COL28A1: variants seen among roughly 807,000 people sequenced by gnomAD.
The protein encoded by COL28A1 is collagen type XXVIII alpha 1 chain, also known as collagen alpha-1(XXVIII) chain.
Under a neutral mutation model 150.2 loss-of-function variants are expected in COL28A1, and 161 were observed. The ratio of observed to expected loss-of-function variants is 1.07; its 90% CI spans 0.94 to 1.22. The LOEUF is 1.22. Among genes scored for constraint, COL28A1 ranks in the 50% most tolerant of loss-of-function variants. COL28A1 has a pLI of 0.00. For synonymous variants in COL28A1, 552 were observed against 469.7 expected, an observed-to-expected ratio of 1.18 and a Z score of -2.26; for missense variants, 1,617 against 1,388.3, an observed-to-expected ratio of 1.16 and a Z score of -2.62.
At chr7:7,397,414 T>C (rs192764710) in intron 27 of COL28A1, among the ~76,000 whole-genome samples, 30 of 152,152 alleles carry the variant, frequency 2.0e-4, no homozygotes, top group African/African-American at 7.0e-4. Flanking sequence ...CCATTTAAGG[T>C]AATATGTACT....
intron 33 of COL28A1, among the ~76,000 whole-genome samples, chr7:7,366,389 T>C (rs1371515174): frequency 6.6e-6 from 1 of 152,180 alleles, no homozygotes; most frequent in Non-Finnish European, 1.5e-5. Flanking sequence ...GCTTCAGCAA[T>C]GAGACCACAA....
intron 33 of COL28A1, among the ~76,000 whole-genome samples, chr7:7,369,785 C>A (rs1468234959): frequency 6.6e-6 from 1 of 152,096 alleles, no homozygotes; most frequent in African/African-American, 2.4e-5. Flanking sequence ...AGACTGTTAG[C>A]TGAATCCTGA....
rs778274748 is a variant in COL28A1 at position 7,437,454 on chromosome 7, C to T, written c.1731G>A (p.Pro577=). ...LPGPEGPKGE[P]GIMGPFGMPG... ...GCATTCCAAAAGGGCCCATAATGCC[C>T]GGTTCACCCTTAAAAAGAGCAAAAT... The change falls in exon 22 of 35, where the codon CCG becomes CCA. Residue 577 remains proline, a synonymous_variant. Coordinates refer to ENST00000399429, the MANE Select transcript of COL28A1 (RefSeq NM_001037763.3). 16 of 1,613,232 alleles carry T rather than the reference C, an allele frequency of 9.9e-6. No individual in the cohort carries two copies. The highest frequency in any genetic ancestry group is 4.5e-5 in the East Asian group (2 of 44,866).
intron 25 of COL28A1, among the ~76,000 whole-genome samples, chr7:7,430,196 A>G (rs57267771): frequency 6.6e-6 from 1 of 152,178 alleles, no homozygotes; most frequent in African/African-American, 2.4e-5. Context: ...GTGCGATCTC[A>G]GCTCACTGCA....
At chr7:7,532,359 A>G (rs1362720552) in intron 2 of COL28A1, among the ~76,000 whole-genome samples, 1 of 151,984 alleles carries the variant, frequency 6.6e-6, no homozygotes, top group Admixed American at 6.6e-5. Context: ...ACCAAGAGTA[A>G]GTGGAGAAGA....
intron 3 of COL28A1, among the ~76,000 whole-genome samples, chr7:7,525,829 A>C (rs1259282594): frequency 6.6e-6 from 1 of 152,228 alleles, no homozygotes; most frequent in Non-Finnish European, 1.5e-5. Flanking sequence ...CAAGTCATAC[A>C]ATCCTTCCAG....
rs992135934 is a variant in COL28A1 at position 7,389,148 on chromosome 7, T to C, written c.2137-7536A>G. Among the ~76,000 whole-genome samples, 17 of 152,208 alleles carry C rather than the reference T, an allele frequency of 1.1e-4. 1 individual carries two copies. The highest frequency in any genetic ancestry group is 4.1e-4 in the African/African-American group (17 of 41,446). ...AAGGTTTTAGGTCTTACTTAAGTCT[T>C]TAATCCATCTTGAGTTAATTTTTGT... On this transcript the variant is annotated intron_variant, in intron 27 of 34. Coordinates refer to ENST00000399429, the MANE Select transcript of COL28A1 (RefSeq NM_001037763.3).
chr7:7,472,427 C>CAA (rs562387897), intron 15 of COL28A1, among the ~76,000 whole-genome samples: 28 of 143,448 alleles, frequency 2.0e-4, no homozygotes, highest in African/African-American at 3.1e-4. Context: ...ACAATAGCTG[C>CAA]AAAAAAAAAA....
chr7:7,386,215 T>C (rs1782170712), intron 27 of COL28A1, among the ~76,000 whole-genome samples: 1 of 152,226 alleles, frequency 6.6e-6, no homozygotes, highest in African/African-American at 2.4e-5. Flanking sequence ...TTCCATTGAT[T>C]TATTTGTGCA....
At chr7:7,542,307 G>A in the COL28A1 span, among the ~76,000 whole-genome samples, 9 of 152,184 alleles carry the variant, frequency 5.9e-5, no homozygotes, top group African/African-American at 2.2e-4. Flanking sequence ...CTCCGGCCTG[G>A]CCACAGAGTG....
chr7:7,473,880 AGT>A (rs903776227), intron 15 of COL28A1, among the ~76,000 whole-genome samples: 199 of 151,114 alleles, frequency 1.3e-3, no homozygotes, highest in Non-Finnish European at 1.8e-3. Flanking sequence ...GTTTATATAT[AGT>A]GTGTGTTTGT....
chr7:7,401,366 T>A (rs1484181631), intron 27 of COL28A1, among the ~76,000 whole-genome samples: 2 of 152,108 alleles, frequency 1.3e-5, no homozygotes, highest in Non-Finnish European at 2.9e-5. Context: ...AAAATTTATA[T>A]CTCTTGTCCT....
intron 5 of COL28A1, among the ~76,000 whole-genome samples, chr7:7,521,031 C>G (rs2115195480): frequency 6.6e-6 from 1 of 152,240 alleles, no homozygotes; most frequent in Admixed American, 6.5e-5. Flanking sequence ...TAAAATTTGT[C>G]ACATTCTAAT....
chr7:7,438,237 G>T (rs1405241858), intron 21 of COL28A1, among the ~76,000 whole-genome samples: 1 of 152,024 alleles, frequency 6.6e-6, no homozygotes, highest in African/African-American at 2.4e-5. Context: ...GACCAACAGA[G>T]CAAAACGCTG....
chr7:7,536,743 T>C (rs1782654828), upstream of COL28A1, among the ~76,000 whole-genome samples: 1 of 152,202 alleles, frequency 6.6e-6, no homozygotes, highest in African/African-American at 2.4e-5. Context: ...TGAACTTTCT[T>C]AGCCATTTTA....
the COL28A1 span, among the ~76,000 whole-genome samples, chr7:7,347,315 T>G: frequency 6.6e-6 from 1 of 152,072 alleles, no homozygotes; most frequent in Non-Finnish European, 1.5e-5. Flanking sequence ...AGTGGGTGGG[T>G]TAATATAATT....
At chr7:7,528,183 GCTTTTTAAATA>G (rs1266154897) in intron 3 of COL28A1, among the ~76,000 whole-genome samples, 1 of 151,882 alleles carries the variant, frequency 6.6e-6, no homozygotes, top group Admixed American at 6.6e-5. Context: ...TTCCATAAAG[GCTTTTTAAATA>G]CTTAACATCA....
At chr7:7,543,805 G>T in the COL28A1 span, among the ~76,000 whole-genome samples, 1 of 150,536 alleles carries the variant, frequency 6.6e-6, no homozygotes, top group Non-Finnish European at 1.5e-5. Flanking sequence ...AATATCTGCG[G>T]TTAACAACTG....
chr7:7,350,525 G>A, the COL28A1 span, among the ~76,000 whole-genome samples: 1 of 151,964 alleles, frequency 6.6e-6, no homozygotes, highest in Non-Finnish European at 1.5e-5. Context: ...TACCTCAGAG[G>A]CAAAGTCTAT....
Sources: allele counts gnomAD v4.1 joint callset (sites outside exome capture counted in the v4.1 genomes callset), GRCh38; gene constraint gnomAD v4.1.1; transcripts MANE v1.5; gene names NCBI Gene and HGNC (gene_info 2026-07-23, HGNC 2026-07-21).